Variants in C5orf34 observed in about 807,000 individuals in gnomAD.
The protein encoded by C5orf34 is uncharacterized protein C5orf34.
Under a neutral mutation model 78.4 loss-of-function variants are expected in C5orf34, and 73 were observed. That is an observed-to-expected ratio of 0.93 (90% CI 0.77 to 1.13). The LOEUF (loss-of-function observed/expected upper bound fraction) is 1.13, where lower values mean the gene tolerates loss of function less well. Among genes scored for constraint, C5orf34 ranks in the 50% most tolerant of loss-of-function variants. The pLI is 0.00. For synonymous variants in C5orf34, 251 were observed against 246.6 expected (o/e 1.02, Z -0.17); for missense variants, 730 against 732.7 (o/e 1.00, Z 0.04).
chr5:43,492,652 T>C, intron 9 of C5orf34, 68 bp downstream of exon 9: 1 of 1,337,296 alleles, frequency 7.5e-7, no homozygotes, highest in Admixed American at 2.2e-5. Context: ...GTGTGGTACT[T>C]TGTTTTCTTT....
chr5:43,499,241 A>G (rs1451347395), intron 6 of C5orf34, among the ~76,000 whole-genome samples: 2 of 152,216 alleles, frequency 1.3e-5, no homozygotes, highest in African/African-American at 4.8e-5. Context: ...CATGCAAACA[A>G]TTGAGAAAGT....
chr5:43,506,398 C>CA lies in C5orf34; in HGVS notation c.286-5dup. On this transcript the variant is annotated splice_polypyrimidine_tract_variant and splice_region_variant and intron_variant, in intron 3 of 12. Transcript: ENST00000306862. ...CTGTTATGTCAATGAAGATATGCTG[C>CA]AAGGAGAGGGGAAAAGAGACGGTGA... is the stretch of plus-strand genomic sequence containing the variant. The CA allele has an allele frequency of 6.3e-7, 1 of 1,585,596 alleles. No homozygotes were observed. The highest frequency in any genetic ancestry group is 2.2e-5 in the East Asian group (1 of 44,492).
rs181697397 is a variant in C5orf34, at chr5:43,495,807, G to A, written c.1153-1206C>T. 2.3e-3 allele frequency: 3,578 copies of A among 1,576,102 alleles called. 14 individuals are homozygous for A. The highest frequency in any genetic ancestry group is 4.7e-3 in the South Asian group (421 of 90,094). On this transcript the variant is annotated intron_variant, in intron 6 of 12. Coordinates refer to ENST00000306862, the MANE Select transcript of C5orf34 (RefSeq NM_198566.4). ...GTGCCGCTGGCACTGCCATCCTTAC[G>A]GGTGGCTTTCCATCCCTTGAGCCAA... is the stretch of plus-strand genomic sequence containing the variant.
In C5orf34 at chr5:43,509,360, T is replaced by TC. The variant is rs11415989; in HGVS notation, c.-22dup. On this transcript the variant is annotated 5_prime_UTR_variant, in exon 2 of 13. Transcript: ENST00000306862. Reference sequence around the variant, plus strand: ...GCCATTACAACGGCAGGATAAGATATCTTCTAAGTCAAAGACTGAATGAAA... The same window carrying TC: ...GCCATTACAACGGCAGGATAAGATATCCTTCTAAGTCAAAGACTGAATGAAA... The TC allele has an allele frequency of 1, 1,573,698 of 1,578,702 alleles. 784,518 individuals carry two copies. The highest frequency in any genetic ancestry group is 1 in the Non-Finnish European group (1,160,145 of 1,160,184).
intron 11 of C5orf34, among the ~76,000 whole-genome samples, chr5:43,488,746 G>A (rs900128634): frequency 1.3e-5 from 2 of 152,042 alleles, no homozygotes; most frequent in African/African-American, 4.8e-5. Context: ...ACCCCTAAGT[G>A]TGTGTTCTTT....
At chr5:43,505,595 C>T (rs1257584820) in intron 4 of C5orf34, 153 bp downstream of exon 4, 1 of 665,964 alleles carries the variant, frequency 1.5e-6, no homozygotes, top group Non-Finnish European at 2.5e-6. Flanking sequence ...ATAAGCAACA[C>T]ATTTGCTAGG....
rs755617500 is a variant in C5orf34 at position 43,503,737 on chromosome 5, A to G, written c.956T>C (p.Leu319Ser). 3 of 1,613,190 alleles carry G rather than the reference A, an allele frequency of 1.9e-6. No individual in the cohort carries two copies. In the South Asian group the frequency reaches 3.3e-5, roughly 18 times the overall value. Reference protein sequence around the residue: ...LHRWNFCDSLLQRQSDEYSYP... With the variant: ...LHRWNFCDSLSQRQSDEYSYP... ...GGAATATTCATCAGATTGTCTCTGTAAAAGTGAATCACAAAAATTCCACCT... is the reference window on the plus strand; with the variant it reads ...GGAATATTCATCAGATTGTCTCTGTGAAAGTGAATCACAAAAATTCCACCT... The change falls in exon 5 of 13, where the codon TTA (leucine) becomes TCA (serine). Residue 319 changes from leucine (L) to serine (S), a missense_variant. Coordinates refer to ENST00000306862, the MANE Select transcript of C5orf34 (RefSeq NM_198566.4).
intron 9 of C5orf34, 147 bp downstream of exon 9, chr5:43,492,573 G>C: frequency 1.4e-6 from 1 of 710,654 alleles, no homozygotes. Flanking sequence ...TCTGATTTTT[G>C]CTAGGAAATC....
At chr5:43,502,285 T>C in intron 6 of C5orf34, 87 bp downstream of exon 6, 3 of 1,377,406 alleles carry the variant, frequency 2.2e-6, no homozygotes, top group Non-Finnish European at 3.1e-6. Context: ...TGTTATATAA[T>C]GACCAAATTT....
In C5orf34 at chr5:43,502,366, GCTTAC is replaced by G. The variant is rs780125395; in HGVS notation, c.1152+1_1152+5del. On this transcript the variant is annotated splice_donor_variant and splice_donor_5th_base_variant and intron_variant, in intron 6 of 12. Coordinates refer to ENST00000306862, the MANE Select transcript of C5orf34 (RefSeq NM_198566.4). LOFTEE classifies it high-confidence loss of function. Reference sequence around the variant, plus strand: ...TCTTCTTGAGTTGAGTTCATTGTTGGCTTACCTTTCCTGATCCTTCTTGAATAGAA... The same window carrying G: ...TCTTCTTGAGTTGAGTTCATTGTTGGCTTTCCTGATCCTTCTTGAATAGAA... 9 of 1,610,872 alleles carry G rather than the reference GCTTAC, an allele frequency of 5.6e-6. No homozygotes were observed. The highest frequency in any genetic ancestry group is 7.6e-6 in the Non-Finnish European group (9 of 1,178,832).
chr5:43,499,032 A>T (rs1219869548), intron 6 of C5orf34, among the ~76,000 whole-genome samples: 1 of 152,228 alleles, frequency 6.6e-6, no homozygotes, highest in East Asian at 1.9e-4. Context: ...GTTGAATAAG[A>T]TAGGGCTTAA....
At chr5:43,494,396 A>G (rs1745412173) in intron 7 of C5orf34, 114 bp downstream of exon 7, 1 of 554,816 alleles carries the variant, frequency 1.8e-6, no homozygotes, top group South Asian at 4.5e-5. Flanking sequence ...ATTTTACCGA[A>G]GGCATATATT....
At chr5:43,513,454 A>C (rs1490606863) in intron 1 of C5orf34, among the ~76,000 whole-genome samples, 1 of 152,206 alleles carries the variant, frequency 6.6e-6, no homozygotes, top group East Asian at 1.9e-4. Context: ...TAGTGCCCAG[A>C]GGGATCTTTT....
chr5:43,490,873 A>G (rs139497037), intron 10 of C5orf34, 144 bp from the exon 11 acceptor site: 2 of 487,510 alleles, frequency 4.1e-6, no homozygotes, highest in African/African-American at 3.9e-5. Flanking sequence ...GCAATTCTCA[A>G]AATATTTTTC....
At chr5:43,512,290 A>G (rs929715363) in intron 1 of C5orf34, among the ~76,000 whole-genome samples, 1 of 152,212 alleles carries the variant, frequency 6.6e-6, no homozygotes, top group African/African-American at 2.4e-5. Context: ...TACCAAGATG[A>G]TCAAGTTTTA....
intron 4 of C5orf34, among the ~76,000 whole-genome samples, chr5:43,504,088 G>A (rs527828208): frequency 6.6e-6 from 1 of 152,196 alleles, no homozygotes; most frequent in Non-Finnish European, 1.5e-5. Flanking sequence ...CAAGGCGGGC[G>A]GATCACGAGG....
rs759479790 is a variant in C5orf34, at chr5:43,506,300, G to A, written c.380C>T (p.Ser127Phe). 1 of 1,614,078 alleles carries A rather than the reference G, an allele frequency of 6.2e-7. No individual in the cohort carries two copies. The highest frequency in any genetic ancestry group is 8.5e-7 in the Non-Finnish European group (1 of 1,180,018). The change falls in exon 4 of 13, where the codon TCT becomes TTT. Residue 127 changes from serine to phenylalanine, a missense_variant. Physicochemically the swap from Ser to Phe is radical, Grantham distance 155. Coordinates refer to ENST00000306862, the MANE Select transcript of C5orf34 (RefSeq NM_198566.4). ...YMESGIVKIT[S>F]LDGHAYLCLP... is the part of the protein sequence containing the mutation. ...GCAGAGGTATGCATGACCATCTAAAGATGTTATCTTCACAATGCCACTCTC... is the reference window on the plus strand; with the variant it reads ...GCAGAGGTATGCATGACCATCTAAAAATGTTATCTTCACAATGCCACTCTC...
chr5:43,501,612 G>T (rs1745763397), intron 6 of C5orf34, among the ~76,000 whole-genome samples: 1 of 152,078 alleles, frequency 6.6e-6, no homozygotes, highest in African/African-American at 2.4e-5. Flanking sequence ...TGGGTGATGG[G>T]TACATAGGGG....
chr5:43,496,497 G>A, intron 6 of C5orf34: 1 of 1,444,632 alleles, frequency 6.9e-7, no homozygotes, highest in Non-Finnish European at 9.2e-7. Flanking sequence ...GTGTTCTGGT[G>A]GCAAACCCAT....
Sources: gnomAD v4.1 joint callset for allele counts (sites outside exome capture counted in the v4.1 genomes callset) on GRCh38, gnomAD v4.1.1 for gene constraint, MANE v1.5 for transcripts, NCBI Gene and HGNC (gene_info 2026-07-23, HGNC 2026-07-21) for gene names.